The following UBR4 variants were observed in gnomAD, a reference collection of about 807,000 sequenced individuals.
UBR4 encodes the protein E3 ubiquitin-protein ligase UBR4.
In UBR4, 124 loss-of-function variants were observed where a neutral mutation model predicts 575.6. The ratio of observed to expected loss-of-function variants is 0.22; its 90% CI spans 0.19 to 0.25. The LOEUF (loss-of-function observed/expected upper bound fraction) is 0.25. Among genes scored for constraint, UBR4 ranks in the 10% least tolerant of loss-of-function variants. UBR4 has a pLI of 1.00. For missense variants in UBR4, 4,818 were observed against 6,478.8 expected (o/e 0.74, Z 8.80); for synonymous variants, 2,455 against 2,473.7 (o/e 0.99, Z 0.22).
rs2148930418 is a variant in UBR4 at position 19,095,583 on chromosome 1, T to C, written c.13588A>G (p.Met4530Val). 1 of 1,614,166 alleles carries C rather than the reference T, an allele frequency of 6.2e-7. No homozygotes were observed. The highest frequency in any genetic ancestry group is 2.2e-5 in the East Asian group (1 of 44,888). Residue 4530 changes from methionine to valine, a missense_variant, in exon 93 of 106, where the codon ATG becomes GTG. Met to Val is a conservative substitution (Grantham distance 21). Coordinates refer to ENST00000375254, the MANE Select transcript of UBR4 (RefSeq NM_020765.3). ...VNRQQLVKLE[M>V]NTLNVMLGTL... ...CCCAGCATGACGTTCAAGGTGTTCA[T>C]TTCCAGTTTGACCAGTTGCTGCCGG...
chr1:19,124,474 GGCC>G, intron 65 of UBR4, 64 bp downstream of exon 65: 1 of 1,577,396 alleles, frequency 6.3e-7, no homozygotes, highest in Non-Finnish European at 8.6e-7. Flanking sequence ...GGAAGAAAGG[GGCC>G]CACAGAGGTG....
At chr1:19,190,015 A>G (rs897609043) in intron 11 of UBR4, among the ~76,000 whole-genome samples, 1 of 151,946 alleles carries the variant, frequency 6.6e-6, no homozygotes, top group Non-Finnish European at 1.5e-5. Context: ...GGCCAGGCAG[A>G]TTGGCTCATG....
At position 19,153,828 on chromosome 1, in the gene UBR4, A is replaced by C. The variant is rs544182681; in HGVS notation, c.6570T>G (p.Val2190=). The C allele has an allele frequency of 1.6e-4, 263 of 1,614,214 alleles. 5 individuals carry two copies. In the South Asian group the frequency reaches 2.8e-3, roughly 17 times the overall value. Residue 2190 remains valine, a synonymous_variant, in exon 45 of 106, where the codon GTT becomes GTG. Transcript: ENST00000375254. This position sits in a 1 kb window ranked among gnomAD's most constrained non-coding sequence, Gnocchi z 4.1. The stretch of plus-strand genomic sequence containing the variant: ...TAAGAAAAGTGTCTGGTTTCACCAT[A>C]ACTACCAGCGGCACCCCTGTAGTTT... ...VQQTTGVPLV[V]MVKPDTFLIQ...
At chr1:19,127,777 C>G (rs1363519983) in intron 62 of UBR4, 38 bp from the exon 63 acceptor site, 1 of 1,555,324 alleles carries the variant, frequency 6.4e-7, no homozygotes, top group East Asian at 2.2e-5. Flanking sequence ...CCTCTACTTA[C>G]TCGATGCTTG....
chr1:19,158,280 G>A (rs750670198), intron 39 of UBR4, among the ~76,000 whole-genome samples: 1 of 152,182 alleles, frequency 6.6e-6, no homozygotes, highest in African/African-American at 2.4e-5. Flanking sequence ...GGTGACAGAT[G>A]ACATTTGTTT....
chr1:19,120,507 G>A (rs2081050645), intron 68 of UBR4, among the ~76,000 whole-genome samples, 159 bp from the exon 69 acceptor site: 1 of 152,204 alleles, frequency 6.6e-6, no homozygotes, highest in Non-Finnish European at 1.5e-5. Context: ...GTTGTTTACT[G>A]GGGGACAAAT....
chr1:19,083,338 G>C (rs1485111036), intron 102 of UBR4, among the ~76,000 whole-genome samples: 4 of 152,214 alleles, frequency 2.6e-5, no homozygotes, highest in African/African-American at 9.6e-5. Context: ...GGGAGGGAAG[G>C]AAAAGATAAC....
chr1:19,197,586 C>G (rs2092537224), intron 7 of UBR4, 84 bp downstream of exon 7: 1 of 1,551,440 alleles, frequency 6.4e-7, no homozygotes, highest in South Asian at 1.2e-5. Context: ...GAGACTGCAC[C>G]CCTGCACTCC....
intron 102 of UBR4, chr1:19,082,139 C>T (rs901098822): frequency 1.5e-5 from 4 of 264,354 alleles, no homozygotes; most frequent in African/African-American, 6.6e-5. Context: ...AGGATCCTCC[C>T]GCCTTCGTTA....
chr1:19,139,414 A>C lies in UBR4; in HGVS notation c.8594-194T>G, dbSNP rs1356427323. ...TGCTGGTTAATCACTAACAGGAACAAACACTATACACGGTGCATTGCAAAC... is the reference window on the plus strand; with the variant it reads ...TGCTGGTTAATCACTAACAGGAACACACACTATACACGGTGCATTGCAAAC... On this transcript the variant is annotated intron_variant, in intron 58 of 105. Coordinates refer to ENST00000375254, the MANE Select transcript of UBR4 (RefSeq NM_020765.3). The surrounding 1 kb of genome is among the most constrained non-coding windows in gnomAD (Gnocchi z 4.2). Among the ~76,000 whole-genome samples, 1 of 152,226 alleles carries C rather than the reference A, an allele frequency of 6.6e-6. No individual in the cohort carries two copies. The highest frequency in any genetic ancestry group is 2.4e-5 in the African/African-American group (1 of 41,452).
At chr1:19,199,321 C>A (rs750748270) in intron 3 of UBR4, among the ~76,000 whole-genome samples, 1 of 152,136 alleles carries the variant, frequency 6.6e-6, no homozygotes, top group Admixed American at 6.6e-5. Context: ...ACCTACCTGG[C>A]CCCTGCAGGT....
chr1:19,076,023 C>A (rs1368355509), intron 105 of UBR4, among the ~76,000 whole-genome samples: 1 of 152,232 alleles, frequency 6.6e-6, no homozygotes, highest in East Asian at 1.9e-4. Context: ...GCGGCGCCCA[C>A]AACCTCACAG....
chr1:19,155,680 A>G lies in UBR4; in HGVS notation c.6073-12T>C, dbSNP rs991672136. 3 of 1,605,990 alleles carry G rather than the reference A, an allele frequency of 1.9e-6. No individual in the cohort carries two copies. The highest frequency in any genetic ancestry group is 2.6e-6 in the Non-Finnish European group (3 of 1,172,998). On this transcript the variant is annotated splice_polypyrimidine_tract_variant and intron_variant, in intron 42 of 105. Coordinates refer to ENST00000375254, the MANE Select transcript of UBR4 (RefSeq NM_020765.3). The stretch of plus-strand genomic sequence containing the variant: ...CACAGGTCATAAATCTGCAGGATGG[A>G]AGAAAAATTAAATAAGGGAAATCTA...
chr1:19,140,685 G>C (rs1244461127), intron 58 of UBR4, 103 bp downstream of exon 58: 1 of 1,191,248 alleles, frequency 8.4e-7, no homozygotes, highest in African/African-American at 1.5e-5. Flanking sequence ...AGGAAGTCCA[G>C]AATGGCCTGT....
chr1:19,120,320 CT>C lies in UBR4; in HGVS notation c.10169del (p.Gln3390ArgfsTer7). On this transcript the variant is annotated frameshift_variant, in exon 69 of 106. Coordinates refer to ENST00000375254, the MANE Select transcript of UBR4 (RefSeq NM_020765.3). LOFTEE classifies it high-confidence loss of function. ...GCTGGTTCACCAGAGCTGTGCACAGCTGGTCCTCCTGGCTGCCAGAGGTCTC... is the reference window on the plus strand; with the variant it reads ...GCTGGTTCACCAGAGCTGTGCACAGCGGTCCTCCTGGCTGCCAGAGGTCTC... ...DGETSGSQED[Q>X]LCTALVNQLN... 1 of 1,614,184 alleles carries C rather than the reference CT, an allele frequency of 6.2e-7. No homozygotes were observed. The highest frequency in any genetic ancestry group is 8.5e-7 in the Non-Finnish European group (1 of 1,180,014).
chr1:19,193,106 TC>T (rs1458578258), intron 9 of UBR4, among the ~76,000 whole-genome samples: 1 of 152,190 alleles, frequency 6.6e-6, no homozygotes, highest in Non-Finnish European at 1.5e-5. Context: ...ATGTATTGTT[TC>T]AGCGCACTTA....
intron 11 of UBR4, 111 bp from the exon 12 acceptor site, chr1:19,187,651 T>C: frequency 3.0e-6 from 3 of 1,002,600 alleles, no homozygotes; most frequent in Admixed American, 5.4e-5. Flanking sequence ...TCAGACTCTG[T>C]GGACCTTCAG....
intron 90 of UBR4, 151 bp from the exon 91 acceptor site, chr1:19,097,431 C>T: frequency 1.8e-6 from 1 of 551,340 alleles, no homozygotes; most frequent in Non-Finnish European, 3.2e-6. Context: ...TCCAAATGCA[C>T]AGCAATTCAC....
chr1:19,140,987 C>G, intron 57 of UBR4, 95 bp from the exon 58 acceptor site: 1 of 1,302,662 alleles, frequency 7.7e-7, no homozygotes, highest in Non-Finnish European at 1.1e-6. Context: ...TCTCCAAACA[C>G]CAGCATGTGA....
Sources: gnomAD v4.1 joint callset for allele counts (sites outside exome capture counted in the v4.1 genomes callset) on GRCh38, gnomAD v4.1.1 for gene constraint, Gnocchi (gnomAD v3.1) non-coding constraint, MANE v1.5 for transcripts, NCBI Gene and HGNC (gene_info 2026-07-23, HGNC 2026-07-21) for gene names.